The following SNX25 variants were observed in gnomAD, a reference collection of about 807,000 sequenced individuals.
SNX25 encodes sorting nexin-25.
A neutral mutation model predicts 113.7 loss-of-function variants in SNX25; 62 were observed. That is an observed-to-expected ratio of 0.55 (90% CI 0.44 to 0.67). The LOEUF (loss-of-function observed/expected upper bound fraction) is 0.67. Ranked by LOEUF, SNX25 falls within the 30% of genes least tolerant of loss-of-function variation. The pLI, the probability that SNX25 is intolerant of heterozygous loss-of-function variation, is 0.00. For missense variants in SNX25, 1,014 were observed against 1,161.0 expected (o/e 0.87, Z 1.84); for synonymous variants, 421 against 436.2 (o/e 0.97, Z 0.43).
At chr4:185,338,068 C>A (rs2095241018) in intron 10 of SNX25, among the ~76,000 whole-genome samples, 2 of 152,086 alleles carry the variant, frequency 1.3e-5, no homozygotes. Flanking sequence ...GGAGATGAAA[C>A]CTCTGTCAGA....
At chr4:185,216,269 A>G (rs1028603173) in intron 1 of SNX25, among the ~76,000 whole-genome samples, 4 of 152,334 alleles carry the variant, frequency 2.6e-5, no homozygotes, top group Non-Finnish European at 2.9e-5. Flanking sequence ...ACATACACAC[A>G]TGTATTCAAA....
At chr4:185,316,354 T>G (rs2095074528) in intron 7 of SNX25, among the ~76,000 whole-genome samples, 1 of 152,154 alleles carries the variant, frequency 6.6e-6, no homozygotes, top group Non-Finnish European at 1.5e-5. Context: ...CGCAGAGAGA[T>G]AGAGTAACAT....
At chr4:185,231,633 C>T (rs1048424092) in intron 1 of SNX25, among the ~76,000 whole-genome samples, 3 of 151,480 alleles carry the variant, frequency 2.0e-5, no homozygotes, top group Non-Finnish European at 4.4e-5. Context: ...ATGGCGTGAA[C>T]CCAGGAGGTG....
chr4:185,341,114 T>C (rs1049949818), intron 11 of SNX25, among the ~76,000 whole-genome samples: 4 of 152,272 alleles, frequency 2.6e-5, no homozygotes, highest in Non-Finnish European at 5.9e-5. Context: ...CAATTTATGA[T>C]GCTAATTCAA....
In SNX25 at chr4:185,294,940, T is replaced by C. The variant is rs140903565; in HGVS notation, c.1162+6858T>C. ...ACAGGAAGTCGCTCTTGTATTTCTG[T>C]GGTCTTTGGAGTTTTGATGTATGGC... is the stretch of plus-strand genomic sequence containing the variant. On this transcript the variant is annotated intron_variant, in intron 6 of 18. Coordinates refer to ENST00000652585, the MANE Select transcript of SNX25 (RefSeq NM_001378034.2). Among the ~76,000 whole-genome samples, 734 of 152,340 alleles carry C rather than the reference T, an allele frequency of 4.8e-3. 2 individuals are homozygous for C. Among genetic ancestry groups the C allele is most frequent in the Admixed American group, 6.5e-3 (99 of 15,282 alleles).
At chr4:185,321,963 A>G (rs570731840) in intron 8 of SNX25, among the ~76,000 whole-genome samples, 2 of 152,348 alleles carry the variant, frequency 1.3e-5, no homozygotes, top group South Asian at 2.1e-4. Context: ...ACCATTTTAT[A>G]TCAGGGACTT....
intron 1 of SNX25, among the ~76,000 whole-genome samples, chr4:185,240,243 G>A (rs976088833): frequency 2.9e-4 from 44 of 152,042 alleles, no homozygotes; most frequent in African/African-American, 9.7e-4. Context: ...CCACAAAACC[G>A]CCATTGTCAT....
At chr4:185,287,984 C>A (rs2126609333) in intron 5 of SNX25, 28 bp from the exon 6 acceptor site, 2 of 1,562,762 alleles carry the variant, frequency 1.3e-6, no homozygotes, top group East Asian at 2.2e-5. Flanking sequence ...CCTCTTAAAT[C>A]TTTTTCTTTT....
intron 1 of SNX25, among the ~76,000 whole-genome samples, chr4:185,244,876 A>G (rs889421882): frequency 2.6e-5 from 4 of 152,024 alleles, no homozygotes; most frequent in African/African-American, 9.7e-5. Context: ...TTTGTTTTTA[A>G]TAACAGTAAG....
At chr4:185,291,923 C>T (rs1218642561) in intron 6 of SNX25, among the ~76,000 whole-genome samples, 3 of 152,150 alleles carry the variant, frequency 2.0e-5, no homozygotes, top group Admixed American at 1.3e-4. Flanking sequence ...ACAATTCAAC[C>T]CACTGCATTA....
chr4:185,361,823 A>T, intron 16 of SNX25, 101 bp from the exon 17 acceptor site: 1 of 955,408 alleles, frequency 1.0e-6, no homozygotes, highest in Non-Finnish European at 1.5e-6. Context: ...TCAAACACTT[A>T]GATCAGGCTG....
chr4:185,325,194 C>A (rs1406688680), intron 9 of SNX25, among the ~76,000 whole-genome samples: 1 of 152,038 alleles, frequency 6.6e-6, no homozygotes, highest in Non-Finnish European at 1.5e-5. Flanking sequence ...GGCAGAGGCA[C>A]ATGTTTGGAA....
downstream of SNX25, chr4:185,372,707 T>C (rs2095419940): frequency 8.4e-6 from 5 of 594,430 alleles, no homozygotes; most frequent in Non-Finnish European, 1.4e-5. Flanking sequence ...AGCTTTCTGC[T>C]GTCACGTGAG....
At chr4:185,221,488 A>G (rs1227058845) in intron 1 of SNX25, among the ~76,000 whole-genome samples, 3 of 151,912 alleles carry the variant, frequency 2.0e-5, no homozygotes, top group Non-Finnish European at 2.9e-5. Context: ...TCTTGCATTC[A>G]TCTACTTCTT....
chr4:185,304,427 G>A lies in SNX25; in HGVS notation c.1163-6208G>A, dbSNP rs538297957. ...AGACTGGAGTGAAATGGCGCATCTC[G>A]GCTCACCTCAACCTCCACCTCCTGG... On this transcript the variant is annotated intron_variant, in intron 6 of 18. Transcript: ENST00000652585. Among the ~76,000 whole-genome samples, 6 of 152,188 alleles carry A rather than the reference G, an allele frequency of 3.9e-5. No homozygotes were observed. The East Asian group carries it at 7.7e-4, about 20-fold the overall frequency.
At chr4:185,366,437 T>G (rs1290095611), downstream of SNX25, 1 of 152,244 alleles carries the variant, frequency 6.6e-6, no homozygotes, top group Non-Finnish European at 1.5e-5. Flanking sequence ...AGCAGTTGTT[T>G]TACTCATTAA....
intron 1 of SNX25, among the ~76,000 whole-genome samples, chr4:185,240,369 G>A (rs1335144334): frequency 6.6e-5 from 10 of 150,470 alleles, no homozygotes; most frequent in Admixed American, 1.3e-4. Context: ...CTCACCTCCC[G>A]GACGGGGCGG....
At chr4:185,238,285 G>A (rs545480759) in intron 1 of SNX25, among the ~76,000 whole-genome samples, 13 of 152,056 alleles carry the variant, frequency 8.5e-5, no homozygotes, top group South Asian at 2.1e-4. Flanking sequence ...AGTGGAGCCC[G>A]CCTGCCATGG....
At chr4:185,330,875 T>C (rs2095189326) in intron 9 of SNX25, among the ~76,000 whole-genome samples, 1 of 152,226 alleles carries the variant, frequency 6.6e-6, no homozygotes, top group Non-Finnish European at 1.5e-5. Flanking sequence ...TGCATTTTAT[T>C]TTTGATAGGT....
Sources: gnomAD v4.1 joint callset for allele counts (sites outside exome capture counted in the v4.1 genomes callset) on GRCh38, gnomAD v4.1.1 for gene constraint, MANE v1.5 for transcripts, NCBI Gene and HGNC (gene_info 2026-07-23, HGNC 2026-07-21) for gene names.